RBFOX1: variants seen among roughly 807,000 people sequenced by gnomAD.
RBFOX1 encodes the protein RNA binding protein fox-1 homolog 1.
In RBFOX1, 8 loss-of-function variants were observed where a neutral mutation model predicts 57.7. The ratio of observed to expected loss-of-function variants is 0.14; its 90% CI spans 0.08 to 0.25. The LOEUF is 0.25. Ranked by LOEUF, RBFOX1 falls within the 10% of genes least tolerant of loss-of-function variation. The probability of loss-of-function intolerance (pLI) is 1.00; values close to 1 mark genes in which losing one functional copy is unlikely to be tolerated. For synonymous variants in RBFOX1, 326 were observed against 222.4 expected (o/e 1.47, Z -4.15); for missense variants, 611 against 548.5 (o/e 1.11, Z -1.14).
chr16:5,844,461 A>T (rs753564637), intron 3 of RBFOX1, among the ~76,000 whole-genome samples: 23 of 152,224 alleles, frequency 1.5e-4, no homozygotes, highest in Non-Finnish European at 3.1e-4. Flanking sequence ...CGTGAGAGCA[A>T]TAGCATCTGT....
At chr16:6,635,657 A>G (rs1567976550) in intron 2 of RBFOX1, among the ~76,000 whole-genome samples, 1 of 152,158 alleles carries the variant, frequency 6.6e-6, no homozygotes, top group Non-Finnish European at 1.5e-5. Flanking sequence ...CACAGAAGTA[A>G]TTTCAGTAAA....
At chr16:6,882,624 C>T (rs971005009) in intron 3 of RBFOX1, among the ~76,000 whole-genome samples, 1 of 152,020 alleles carries the variant, frequency 6.6e-6, no homozygotes, top group Admixed American at 6.6e-5. Flanking sequence ...TAAATAAGAT[C>T]ATGTTTGCAG....
At position 5,540,519 on chromosome 16, in the gene RBFOX1, T is replaced by C. The variant is rs1286228764; in HGVS notation, c.259-58383T>C. 6.6e-5 allele frequency among the ~76,000 whole-genome samples: 10 copies of C among 152,288 alleles called. No homozygotes were observed. The East Asian group carries it at 1.9e-3, about 29-fold the overall frequency. On this transcript the variant is annotated intron_variant, in intron 2 of 2. Transcript: ENST00000585867. ...TTTCTATGGTGAAATTTAGTCGAAT[T>C]TGAAAGAGTTGGTTTAGTATAACCC...
intron 2 of RBFOX1, among the ~76,000 whole-genome samples, chr16:6,440,010 C>T (rs1416493549): frequency 2.0e-5 from 3 of 151,592 alleles, no homozygotes; most frequent in Admixed American, 6.6e-5. Flanking sequence ...TGCCTCAGCT[C>T]ACTGCAACTT....
At chr16:7,417,860 A>C (rs1188158249) in intron 4 of RBFOX1, among the ~76,000 whole-genome samples, 1 of 152,076 alleles carries the variant, frequency 6.6e-6, no homozygotes, top group African/African-American at 2.4e-5. Context: ...TTCTTGACGC[A>C]CTTTCGTTCC....
chr16:6,150,368 G>T (rs543102244), intron 1 of RBFOX1, among the ~76,000 whole-genome samples: 1 of 152,228 alleles, frequency 6.6e-6, no homozygotes. Flanking sequence ...GAGAAGAGTT[G>T]AAGTTGTGAG....
At chr16:7,641,298 C>T (rs975834443) in intron 11 of RBFOX1, among the ~76,000 whole-genome samples, 2 of 152,174 alleles carry the variant, frequency 1.3e-5, no homozygotes, top group African/African-American at 4.8e-5. Context: ...CAGGTTGCCT[C>T]TCATCCAAGG....
chr16:7,349,238 C>G (rs1334690253), intron 4 of RBFOX1, among the ~76,000 whole-genome samples: 2 of 152,126 alleles, frequency 1.3e-5, no homozygotes, highest in African/African-American at 2.4e-5. Context: ...TCCTGGCAGC[C>G]TTCTATCACA....
intron 1 of RBFOX1, among the ~76,000 whole-genome samples, chr16:5,243,248 C>A (rs553364839): frequency 6.6e-6 from 1 of 152,106 alleles, no homozygotes; most frequent in Non-Finnish European, 1.5e-5. Flanking sequence ...CCAGGCACCT[C>A]GGCAGAGATT....
intron 3 of RBFOX1, among the ~76,000 whole-genome samples, chr16:6,798,840 G>A (rs926427390): frequency 7.2e-5 from 11 of 152,064 alleles, no homozygotes; most frequent in Non-Finnish European, 7.4e-5. Flanking sequence ...AGGATGCTTC[G>A]GGGAGTGTAA....
Position 7,224,994 on chromosome 16 carries a change from C to T in RBFOX1, c.27+172896C>T, listed in dbSNP as rs187822096. Reference sequence around the variant, plus strand: ...TATTGAGCCTCTGCTATGTGTCAAGCACTATGCTAAGACATTTTTGTGACA... The same window carrying T: ...TATTGAGCCTCTGCTATGTGTCAAGTACTATGCTAAGACATTTTTGTGACA... On this transcript the variant is annotated intron_variant, in intron 4 of 15. Coordinates refer to ENST00000550418, the MANE Select transcript of RBFOX1 (RefSeq NM_018723.4). Among the ~76,000 whole-genome samples, 30 of 152,292 alleles carry T rather than the reference C, an allele frequency of 2.0e-4. No homozygotes were observed. In the East Asian group the frequency reaches 5.6e-3, roughly 28 times the overall value.
chr16:7,055,953 C>A (rs1013039707), intron 4 of RBFOX1, among the ~76,000 whole-genome samples: 192 of 152,246 alleles, frequency 1.3e-3, no homozygotes, highest in Non-Finnish European at 4.7e-4. Context: ...GATTTCTCTG[C>A]CAACATTGAA....
intron 2 of RBFOX1, among the ~76,000 whole-genome samples, chr16:6,366,421 C>G (rs956853180): frequency 6.6e-6 from 1 of 151,998 alleles, no homozygotes; most frequent in Non-Finnish European, 1.5e-5. Flanking sequence ...CATCATGTCC[C>G]CTACTTTTTC....
intron 1 of RBFOX1, among the ~76,000 whole-genome samples, chr16:5,282,178 C>T (rs1412412624): frequency 2.0e-5 from 3 of 152,302 alleles, no homozygotes; most frequent in Non-Finnish European, 4.4e-5. Context: ...CTCTCTTTGC[C>T]TGCTGCCATC....
In RBFOX1 at chr16:7,310,389, TA is replaced by T. The variant is rs372593806; in HGVS notation, c.28-207752del. On this transcript the variant is annotated intron_variant, in intron 4 of 15. Transcript: ENST00000550418. Reference sequence around the variant, plus strand: ...ATAGCCCTGATGGATTGATCCCGGCTAAAAAAGTGACAGAATTTGGAACCAG... The same window carrying T: ...ATAGCCCTGATGGATTGATCCCGGCTAAAAAGTGACAGAATTTGGAACCAG... 6.8e-4 allele frequency among the ~76,000 whole-genome samples: 103 copies of T among 152,194 alleles called. 1 individual carries two copies. The East Asian group carries it at 8.7e-3, about 13-fold the overall frequency.
chr16:6,652,347 C>T (rs1422604315), intron 2 of RBFOX1, among the ~76,000 whole-genome samples: 1 of 152,022 alleles, frequency 6.6e-6, no homozygotes, highest in Non-Finnish European at 1.5e-5. Context: ...ACTCGGGAGG[C>T]TGAGGCAGAA....
chr16:7,070,026 A>T (rs2056996146), intron 4 of RBFOX1, among the ~76,000 whole-genome samples: 1 of 152,192 alleles, frequency 6.6e-6, no homozygotes. Flanking sequence ...TTTTGCCATC[A>T]GTCTTTTATC....
chr16:7,667,910 G>T (rs926754613), intron 13 of RBFOX1, among the ~76,000 whole-genome samples: 1 of 152,134 alleles, frequency 6.6e-6, no homozygotes, highest in African/African-American at 2.4e-5. Flanking sequence ...CTGACCTCAA[G>T]TGATCCATCC....
intron 3 of RBFOX1, among the ~76,000 whole-genome samples, chr16:5,834,494 C>G (rs1346694404): frequency 1.3e-5 from 2 of 152,062 alleles, no homozygotes; most frequent in African/African-American, 4.8e-5. Flanking sequence ...TTTCTTTATC[C>G]ACTCATCTGT....
Sources: gnomAD v4.1 joint callset for allele counts (sites outside exome capture counted in the v4.1 genomes callset) on GRCh38, gnomAD v4.1.1 for gene constraint, MANE v1.5 for transcripts, NCBI Gene and HGNC (gene_info 2026-07-23, HGNC 2026-07-21) for gene names.